Variants in HSP90B1 observed in about 807,000 individuals in gnomAD.
HSP90B1 encodes the protein endoplasmin.
In HSP90B1, 27 loss-of-function variants were observed where a neutral mutation model predicts 100.4. The observed-to-expected ratio is 0.27, with a 90% CI of 0.20 to 0.37. The LOEUF is 0.37. HSP90B1 is among the 10% of genes least tolerant of loss of function. HSP90B1 has a pLI of 1.00. For missense variants in HSP90B1, 678 were observed against 960.5 expected (o/e 0.71, Z 3.89); for synonymous variants, 304 against 330.8 (o/e 0.92, Z 0.88).
At chr12:103,935,465 A>C (rs1467827067) in intron 5 of HSP90B1, among the ~76,000 whole-genome samples, 1 of 151,946 alleles carries the variant, frequency 6.6e-6, no homozygotes, top group Non-Finnish European at 1.5e-5. Context: ...TTTTTTCTTA[A>C]TTCAGTTTTA....
At position 103,943,262 on chromosome 12, in the gene HSP90B1, T is replaced by G. The variant is rs1426540178; in HGVS notation, c.1833T>G (p.Val611=). 4 of 1,613,962 alleles carry G rather than the reference T, an allele frequency of 2.5e-6. No homozygotes were observed. Among genetic ancestry groups the G allele is most frequent in the Non-Finnish European group, 1.7e-6 (2 of 1,179,902 alleles). ...SEKTKESREA[V]EKEFEPLLNW... ...AAACTAAGGAGAGTCGTGAAGCAGT[T>G]GAGAAAGAATTTGAGCCTCTGCTGA... The change falls in exon 13 of 18, where the codon GTT becomes GTG. Residue 611 remains valine (V), a synonymous_variant. Transcript: ENST00000299767. The surrounding 1 kb of genome is among the most constrained non-coding windows in gnomAD (Gnocchi z 5.3).
intron 5 of HSP90B1, among the ~76,000 whole-genome samples, chr12:103,936,177 G>A (rs1033369816): frequency 3.3e-5 from 5 of 152,244 alleles, no homozygotes; most frequent in East Asian, 3.9e-4. Context: ...TCTTAGCCTA[G>A]ATCAGGAGTT....
Position 103,947,354 on chromosome 12 carries a change from A to G in HSP90B1, c.2306A>G (p.Asp769Gly), listed in dbSNP as rs776861206. The part of the protein sequence containing the change: ...PEEEPEETAE[D>G]TTEDTEQDED... The stretch of plus-strand genomic sequence containing the variant: ...GAAGAACCTGAAGAGACAGCAGAAG[A>G]CACAACAGAAGACACAGAGCAAGAC... Residue 769 changes from aspartate to glycine, a missense_variant, in exon 17 of 18, where the codon GAC becomes GGC. Physicochemically the swap from Asp to Gly is moderately conservative, Grantham distance 94 (BLOSUM62 -1). Around this residue, in one of 8 missense-constraint regions of HSP90B1, gnomAD observed 65 missense variants for 65.1 expected, o/e 1.00. Coordinates refer to ENST00000299767, the MANE Select transcript of HSP90B1 (RefSeq NM_003299.3). The G allele has an allele frequency of 1.4e-5, 23 of 1,606,858 alleles. No homozygotes were observed. Among genetic ancestry groups the G allele is most frequent in the Non-Finnish European group, 1.9e-5 (22 of 1,174,452 alleles).
At chr12:103,945,790 AG>A (rs1315609387) in intron 14 of HSP90B1, among the ~76,000 whole-genome samples, 1 of 152,214 alleles carries the variant, frequency 6.6e-6, no homozygotes, top group Non-Finnish European at 1.5e-5. Flanking sequence ...CCCCGTTAAA[AG>A]GGAGCAATAC....
chr12:103,934,387 T>A (rs946082723), intron 5 of HSP90B1, 100 bp downstream of exon 5: 2 of 941,290 alleles, frequency 2.1e-6, no homozygotes, highest in African/African-American at 3.3e-5. Context: ...GGGCCTTAAT[T>A]TTCCTGCCTT....
chr12:103,930,669 T>C lies in HSP90B1; in HGVS notation c.49+105T>C. 1 of 1,069,488 alleles carries C rather than the reference T, an allele frequency of 9.4e-7. No individual in the cohort carries two copies. The highest frequency in any genetic ancestry group is 1.4e-6 in the Non-Finnish European group (1 of 730,678). The allele number at this position is 1,069,488 out of a possible 1,614,324, so 66.2% of individuals were successfully genotyped here. A position where few individuals can be genotyped will look rare whatever the true frequency, so the allele number is the denominator to read the frequency against. On this transcript the variant is annotated intron_variant, in intron 1 of 17. Transcript: ENST00000299767. The surrounding 1 kb of genome is among the most constrained non-coding windows in gnomAD (Gnocchi z 4.4). ...GGAGGGGGGATCCCGGGGCCTGCGG[T>C]GGGCCAAGGGACGTCACCATTCCTC...
chr12:103,933,891 C>T (rs1206452042), intron 4 of HSP90B1, 65 bp from the exon 5 acceptor site: 30 of 1,329,274 alleles, frequency 2.3e-5, no homozygotes, highest in Non-Finnish European at 3.0e-5. Context: ...TGGTTAGTTC[C>T]TCAATATTTG....
At chr12:103,934,340 C>T (rs1869845787) in intron 5 of HSP90B1, 53 bp downstream of exon 5, 1 of 1,352,564 alleles carries the variant, frequency 7.4e-7, no homozygotes, top group Non-Finnish European at 1.0e-6. Context: ...AGGATCTTGA[C>T]TCTCCAGTTC....
intron 5 of HSP90B1, among the ~76,000 whole-genome samples, chr12:103,937,065 C>T (rs983888347): frequency 1.3e-5 from 2 of 152,130 alleles, no homozygotes; most frequent in Admixed American, 6.5e-5. Context: ...CCCCGCACTG[C>T]CCGGTAGAAT....
chr12:103,942,868 G>A (rs1311865928), intron 12 of HSP90B1, 72 bp downstream of exon 12: 11 of 1,551,296 alleles, frequency 7.1e-6, no homozygotes, highest in Admixed American at 1.8e-5. Context: ...CTCTTGAGGG[G>A]GAGAAAAGGA....
chr12:103,939,442 A>G (rs1037749012), intron 7 of HSP90B1, 67 bp from the exon 8 acceptor site: 4 of 680,646 alleles, frequency 5.9e-6, no homozygotes, highest in Non-Finnish European at 1.0e-5. Flanking sequence ...TACTGAAGCC[A>G]TGGTTACTGC....
intron 3 of HSP90B1, 67 bp downstream of exon 3, chr12:103,932,485 T>A: frequency 1.4e-6 from 2 of 1,390,488 alleles, no homozygotes; most frequent in Non-Finnish European, 2.0e-6. Context: ...TAAATTTGCT[T>A]AATTTACTGC....
rs146079076 is a variant in HSP90B1, at chr12:103,938,479, C to T, written c.975+20C>T. ...AAAAAAGTAAGTCTGGTTTATCTCCCTGCATAAGATATTGTTTAACATGTA... is the reference window on the plus strand; with the variant it reads ...AAAAAAGTAAGTCTGGTTTATCTCCTTGCATAAGATATTGTTTAACATGTA... On this transcript the variant is annotated intron_variant, in intron 7 of 17. Transcript: ENST00000299767. 1,160 of 1,604,730 alleles carry T rather than the reference C, an allele frequency of 7.2e-4. 10 individuals carry two copies. The African/African-American group carries it at 0.012, about 17-fold the overall frequency.
rs146962447 is a variant in HSP90B1, at chr12:103,942,570, A to C, written c.1418A>C (p.Lys473Thr). ...KLVRKTLDMI[K>T]KIADDKYNDT... ...GTTCGTAAAACGCTGGACATGATCA[A>C]GAAGATTGCTGATGATAAATACAAT... Residue 473 changes from lysine to threonine, a missense_variant, in exon 12 of 18, where the codon AAG (lysine) becomes ACG (threonine). Around this residue, in one of 8 missense-constraint regions of HSP90B1, gnomAD observed 170 missense variants for 236.7 expected, o/e 0.72. Coordinates refer to ENST00000299767, the MANE Select transcript of HSP90B1 (RefSeq NM_003299.3). 1.2e-6 allele frequency: 2 copies of C among 1,613,888 alleles called. No homozygotes were observed. Among genetic ancestry groups the C allele is most frequent in the Non-Finnish European group, 1.7e-6 (2 of 1,179,882 alleles).
Position 103,941,845 on chromosome 12 carries a change from A to C in HSP90B1, c.1322A>C (p.Asp441Ala). 1.2e-6 allele frequency: 2 copies of C among 1,613,806 alleles called. No individual in the cohort carries two copies. The highest frequency in any genetic ancestry group is 1.7e-6 in the Non-Finnish European group (2 of 1,179,762). Residue 441 changes from aspartate (D) to alanine (A), a missense_variant, in exon 11 of 18, where the codon GAT becomes GCT. Asp to Ala is a moderately radical substitution (Grantham distance 126, BLOSUM62 -2). Transcript: ENST00000299767. ...NFVKGVVDSD[D>A]LPLNVSRETL... ...TGCCATCTGAAGGTGGACTCAGATG[A>C]TCTCCCCTTGAATGTTTCCCGCGAG...
At chr12:103,932,513 C>A in intron 3 of HSP90B1, 95 bp downstream of exon 3, 1 of 1,090,290 alleles carries the variant, frequency 9.2e-7, no homozygotes, top group Non-Finnish European at 1.3e-6. Context: ...ATGTAGTATC[C>A]AAGTAAGTAG....
rs776821216 is a variant in HSP90B1, at chr12:103,947,266, G to T, written c.2263-45G>T. The T allele has an allele frequency of 7.8e-6, 12 of 1,536,388 alleles. No individual in the cohort carries two copies. In the South Asian group the frequency reaches 1.6e-4, roughly 20 times the overall value. Reference sequence around the variant, plus strand: ...TTTATACATATAAATGAGCAAAGTGGAAATAAATCCAAGGCATTAATGGGC... The same window carrying T: ...TTTATACATATAAATGAGCAAAGTGTAAATAAATCCAAGGCATTAATGGGC... On this transcript the variant is annotated intron_variant, in intron 16 of 17. Transcript: ENST00000299767.
At chr12:103,932,676 T>C in intron 3 of HSP90B1, 150 bp from the exon 4 acceptor site, 5 of 672,706 alleles carry the variant, frequency 7.4e-6, no homozygotes, top group Non-Finnish European at 1.3e-5. Context: ...TAAACTAAAC[T>C]TCTTGCATTG....
intron 1 of HSP90B1, 109 bp from the exon 2 acceptor site, chr12:103,931,412 C>T (rs1869756108): frequency 1.4e-6 from 1 of 701,764 alleles, no homozygotes; most frequent in Admixed American, 2.4e-5. Flanking sequence ...TCTTTCATCC[C>T]CACCTCCCTT....
Sources: allele counts gnomAD v4.1 joint callset (sites outside exome capture counted in the v4.1 genomes callset), GRCh38; gene constraint gnomAD v4.1.1; regional missense constraint gnomAD v4.1.1; non-coding constraint Gnocchi (gnomAD v3.1); transcripts MANE v1.5; gene names NCBI Gene and HGNC (gene_info 2026-07-23, HGNC 2026-07-21).